KLF12: variants seen among roughly 807,000 people sequenced by gnomAD.
The protein encoded by KLF12 is KLF transcription factor 12, also known as Krueppel-like factor 12.
In KLF12, 9 loss-of-function variants were observed where a neutral mutation model predicts 37.8. That is an observed-to-expected ratio of 0.24 (90% CI 0.14 to 0.42). KLF12 has a LOEUF of 0.42. KLF12 is among the 10% of genes least tolerant of loss of function. The pLI, the probability that KLF12 is intolerant of heterozygous loss-of-function variation, is 1.00. For synonymous variants in KLF12, 208 were observed against 202.1 expected (o/e 1.03, Z -0.25); for missense variants, 411 against 516.0 (o/e 0.80, Z 1.97).
intron 1 of KLF12, among the ~76,000 whole-genome samples, chr13:74,031,035 C>A (rs1893098822): frequency 6.6e-6 from 1 of 152,110 alleles, no homozygotes; most frequent in Non-Finnish European, 1.5e-5. Flanking sequence ...GCACAAGGCA[C>A]TGTGCTATAT....
chr13:73,868,816 C>G (rs977540326), intron 3 of KLF12, among the ~76,000 whole-genome samples: 4 of 152,184 alleles, frequency 2.6e-5, no homozygotes, highest in Non-Finnish European at 5.9e-5. Flanking sequence ...TCACCCAAAT[C>G]TGACACAAAC....
rs951911522 is a variant in KLF12 at position 73,842,223 on chromosome 13, G to A, written c.670+3604C>T. 3.3e-5 allele frequency among the ~76,000 whole-genome samples: 5 copies of A among 152,024 alleles called. No individual in the cohort carries two copies. The East Asian group carries it at 9.6e-4, about 29-fold the overall frequency. On this transcript the variant is annotated intron_variant, in intron 4 of 7. Transcript: ENST00000377669. ...TCCATGAGCATCACAGTAAATACAT[G>A]TCTTCCTAGAACATGACATCCTACA...
chr13:74,026,588 A>T (rs1892980902), intron 1 of KLF12, among the ~76,000 whole-genome samples: 1 of 152,180 alleles, frequency 6.6e-6, no homozygotes, highest in East Asian at 1.9e-4. Context: ...ACAATATATA[A>T]TGTTTTAAAA....
intron 3 of KLF12, among the ~76,000 whole-genome samples, chr13:73,884,040 A>G (rs1244116721): frequency 1.3e-5 from 2 of 152,160 alleles, no homozygotes; most frequent in Non-Finnish European, 2.9e-5. Flanking sequence ...TTTTTTGACC[A>G]CTATGTGAAA....
At chr13:74,117,275 C>T (rs1401331916) in intron 1 of KLF12, among the ~76,000 whole-genome samples, 1 of 151,990 alleles carries the variant, frequency 6.6e-6, no homozygotes, top group Admixed American at 6.6e-5. Flanking sequence ...ATGAGATGAG[C>T]CTGGAGTATC....
chr13:73,832,883 T>G (rs1323049937), intron 4 of KLF12, among the ~76,000 whole-genome samples: 1 of 152,222 alleles, frequency 6.6e-6, no homozygotes, highest in African/African-American at 2.4e-5. Context: ...TGCTATCTGC[T>G]AAGGACAGGA....
At chr13:74,171,974 C>T in the KLF12 span, among the ~76,000 whole-genome samples, 1 of 152,158 alleles carries the variant, frequency 6.6e-6, no homozygotes, top group African/African-American at 2.4e-5. Flanking sequence ...AATTGGCCCA[C>T]CATTCTAATG....
Position 73,940,586 on chromosome 13 carries a change from A to T in KLF12, c.123+3395T>A, listed in dbSNP as rs144567302. Among the ~76,000 whole-genome samples, 234 of 152,330 alleles carry T rather than the reference A, an allele frequency of 1.5e-3. 1 individual carries two copies. In the South Asian group the frequency reaches 0.021, roughly 14 times the overall value. On this transcript the variant is annotated intron_variant, in intron 3 of 7. Transcript: ENST00000377669. ...TCACAATAACCCTATGACATAGAGC[A>T]GGTTGACAATTATCTATTGACTGGT...
intron 3 of KLF12, among the ~76,000 whole-genome samples, chr13:73,873,538 T>C (rs1464296023): frequency 6.6e-6 from 1 of 152,194 alleles, no homozygotes; most frequent in East Asian, 1.9e-4. Flanking sequence ...CATTTTATAA[T>C]CAAAGCACTC....
chr13:73,702,489 G>A (rs1462306532), intron 7 of KLF12, among the ~76,000 whole-genome samples: 1 of 152,154 alleles, frequency 6.6e-6, no homozygotes, highest in Non-Finnish European at 1.5e-5. Context: ...TGACGTGTGA[G>A]CAACGCACAT....
At chr13:73,750,163 T>A (rs1204626425) in intron 6 of KLF12, among the ~76,000 whole-genome samples, 1 of 152,190 alleles carries the variant, frequency 6.6e-6, no homozygotes, top group Non-Finnish European at 1.5e-5. Context: ...AATGTGAAAA[T>A]ATGTCTTGCT....
intron 7 of KLF12, among the ~76,000 whole-genome samples, chr13:73,710,416 G>A (rs890396276): frequency 5.4e-5 from 8 of 147,228 alleles, no homozygotes; most frequent in Admixed American, 4.1e-4. Context: ...GTGTGTGTGT[G>A]TGTTTACAAA....
At chr13:73,860,438 T>C (rs1354591784) in intron 3 of KLF12, among the ~76,000 whole-genome samples, 7 of 152,084 alleles carry the variant, frequency 4.6e-5, no homozygotes, top group Admixed American at 3.9e-4. Flanking sequence ...GGGTCTCAGA[T>C]TGAATATATC....
chr13:73,916,204 T>A lies in KLF12; in HGVS notation c.123+27777A>T, dbSNP rs1418884181. 2.4e-5 allele frequency among the ~76,000 whole-genome samples: 3 copies of A among 123,070 alleles called. No individual in the cohort carries two copies. In the South Asian group the frequency reaches 8.2e-4, roughly 34 times the overall value. The allele number at this position is 123,070 out of a possible 152,430, so 80.7% of individuals were successfully genotyped here. On this transcript the variant is annotated intron_variant, in intron 3 of 7. Transcript: ENST00000377669. ...GTACTCCAACTTGGGGAAGAGCTAA[T>A]ACTTACACACACACACACACACACA...
chr13:73,808,225 A>G (rs1196410659), intron 5 of KLF12, among the ~76,000 whole-genome samples: 1 of 152,154 alleles, frequency 6.6e-6, no homozygotes, highest in East Asian at 1.9e-4. Context: ...ATGTTCTAAA[A>G]ACTGCAGGAA....
the KLF12 span, among the ~76,000 whole-genome samples, chr13:74,164,179 TCA>T: frequency 6.6e-6 from 1 of 152,142 alleles, no homozygotes; most frequent in Non-Finnish European, 1.5e-5. Flanking sequence ...AGTCAAATGA[TCA>T]CAGACAGATC....
chr13:73,912,159 T>C (rs935098847), intron 3 of KLF12, among the ~76,000 whole-genome samples: 11 of 152,204 alleles, frequency 7.2e-5, no homozygotes, highest in Non-Finnish European at 1.6e-4. Context: ...TCTCAGTTCA[T>C]TATGTTCAAG....
intron 1 of KLF12, among the ~76,000 whole-genome samples, chr13:74,062,885 T>C (rs1873687277): frequency 6.6e-6 from 1 of 152,220 alleles, no homozygotes; most frequent in Admixed American, 6.5e-5. Context: ...GGTTGGTCCC[T>C]TGACAATGAG....
intron 3 of KLF12, among the ~76,000 whole-genome samples, chr13:73,920,611 C>T (rs529799764): frequency 1.3e-5 from 2 of 152,178 alleles, no homozygotes; most frequent in Non-Finnish European, 2.9e-5. Context: ...GCTCTTAGTT[C>T]CCCCATTCCC....
Sources: gnomAD v4.1 joint callset for allele counts (sites outside exome capture counted in the v4.1 genomes callset) on GRCh38, gnomAD v4.1.1 for gene constraint, MANE v1.5 for transcripts, NCBI Gene and HGNC (gene_info 2026-07-23, HGNC 2026-07-21) for gene names.